Variants in MAP4 observed in about 807,000 individuals in gnomAD.
MAP4 encodes the protein microtubule-associated protein 4.
MAP4 carries 76 observed loss-of-function variants against 170.2 expected under a neutral mutation model. That is an observed-to-expected ratio of 0.45 (90% CI 0.37 to 0.54). The LOEUF (loss-of-function observed/expected upper bound fraction) is 0.54. MAP4 is among the 20% of genes least tolerant of loss of function. MAP4 has a pLI of 0.00. For missense variants in MAP4, 2,506 were observed against 2,748.0 expected (o/e 0.91, Z 1.97); for synonymous variants, 909 against 994.5 (o/e 0.91, Z 1.62).
intron 4 of MAP4, among the ~76,000 whole-genome samples, chr3:47,927,703 G>A (rs1424242774): frequency 6.6e-6 from 1 of 152,080 alleles, no homozygotes; most frequent in Non-Finnish European, 1.5e-5. Flanking sequence ...TCGAACTCTC[G>A]AACTCAGGTG....
intron 1 of MAP4, among the ~76,000 whole-genome samples, chr3:48,041,967 T>TC (rs2100121852): frequency 6.6e-6 from 1 of 152,206 alleles, no homozygotes; most frequent in South Asian, 2.1e-4. Context: ...ATGCTCCTGC[T>TC]CTCAGGACCT....
chr3:47,864,132 C>T (rs2075025698), intron 17 of MAP4, among the ~76,000 whole-genome samples: 1 of 152,136 alleles, frequency 6.6e-6, no homozygotes, highest in Admixed American at 6.5e-5. Flanking sequence ...CACATGCCAC[C>T]TAATGCTGCC....
chr3:48,013,110 C>A (rs919837988), intron 1 of MAP4, among the ~76,000 whole-genome samples: 1 of 151,986 alleles, frequency 6.6e-6, no homozygotes, highest in African/African-American at 2.4e-5. Flanking sequence ...TCAAGTATTC[C>A]AAAATTAATT....
chr3:48,030,692 G>A (rs1022418839), intron 1 of MAP4, among the ~76,000 whole-genome samples: 3 of 150,716 alleles, frequency 2.0e-5, no homozygotes, highest in East Asian at 1.9e-4. Context: ...CCAGCTACTC[G>A]GGAGGCTGAG....
chr3:48,068,092 C>G (rs1281069366), intron 1 of MAP4, among the ~76,000 whole-genome samples: 4 of 151,504 alleles, frequency 2.6e-5, no homozygotes, highest in African/African-American at 9.7e-5. Flanking sequence ...TGGTGAAACC[C>G]CATCTATACA....
In MAP4 at chr3:47,911,319, C is replaced by A. The variant is rs2100035854; in HGVS notation, c.3102G>T (p.Glu1034Asp). ...ERQEISIFTS[E>D]QLQGQVLVQV... ...GTACCAACACTTGGCCCTGCAGCTG[C>A]TCAGAAGTAAAGATGCTGATCTCTT... Residue 1034 changes from glutamate (E) to aspartate (D), a missense_variant, in exon 9 of 21, where the codon GAG becomes GAT. Physicochemically the swap from Glu to Asp is conservative, Grantham distance 45. Transcript: ENST00000683076. This position sits in a 1 kb window ranked among gnomAD's most constrained non-coding sequence, Gnocchi z 4.0. The A allele has an allele frequency of 6.5e-7, 1 of 1,536,116 alleles. No homozygotes were observed.
intron 10 of MAP4, chr3:47,891,895 C>A (rs1324785483): frequency 6.5e-7 from 1 of 1,536,102 alleles, no homozygotes; most frequent in East Asian, 2.4e-5. Flanking sequence ...GAGTTGCTTC[C>A]CTTGAGCCCA....
intron 1 of MAP4, among the ~76,000 whole-genome samples, chr3:48,084,386 TAAAA>T (rs548681084): frequency 2.9e-5 from 3 of 104,418 alleles, no homozygotes; most frequent in Non-Finnish European, 4.0e-5. Context: ...ATCTCATCTC[TAAAA>T]AAAAAAAAAA....
chr3:48,072,968 C>A (rs1053443479), intron 1 of MAP4, among the ~76,000 whole-genome samples: 1 of 150,880 alleles, frequency 6.6e-6, no homozygotes, highest in African/African-American at 2.4e-5. Context: ...CAGTGGCTCA[C>A]GCCTGTAATC....
Position 47,909,576 on chromosome 3 carries a change from T to G in MAP4, c.4845A>C (p.Glu1615Asp). ...CAGGAATCTGAACTGCAACAGACCC[T>G]TCTTTAGTCTCTTTCTCTTCATTCA... ...HPVNEEKETK[E>D]GSVAVQIPDL... Residue 1615 changes from glutamate (E) to aspartate (D), a missense_variant, in exon 9 of 21, where the codon GAA becomes GAC. Around this residue, in one of 3 missense-constraint regions of MAP4, gnomAD observed 2,008 missense variants for 2,206.0 expected, o/e 0.91. Coordinates refer to ENST00000683076, the MANE Select transcript of MAP4 (RefSeq NM_001385682.1). The G allele has an allele frequency of 1.2e-6, 2 of 1,612,820 alleles. No individual in the cohort carries two copies. The highest frequency in any genetic ancestry group is 2.2e-5 in the South Asian group (2 of 91,082).
intron 1 of MAP4, among the ~76,000 whole-genome samples, chr3:48,074,877 G>A (rs1270548112): frequency 2.6e-5 from 4 of 151,876 alleles, no homozygotes; most frequent in Non-Finnish European, 5.9e-5. Flanking sequence ...CAAATGGAAA[G>A]GCATCCCACG....
chr3:47,938,835 T>C (rs1257552935), intron 3 of MAP4, among the ~76,000 whole-genome samples: 1 of 152,226 alleles, frequency 6.6e-6, no homozygotes, highest in Non-Finnish European at 1.5e-5. Flanking sequence ...TCAAGTCACA[T>C]CCTATTTAGA....
At chr3:47,939,774 G>T (rs1346239196) in intron 3 of MAP4, among the ~76,000 whole-genome samples, 1 of 151,138 alleles carries the variant, frequency 6.6e-6, no homozygotes, top group Non-Finnish European at 1.5e-5. Context: ...AGAGAAATGG[G>T]TACATTTTCC....
intron 1 of MAP4, among the ~76,000 whole-genome samples, chr3:48,057,602 T>G (rs1245970015): frequency 1.6e-5 from 1 of 63,676 alleles, no homozygotes; most frequent in Non-Finnish European, 3.5e-5. Flanking sequence ...CCAAGAATTA[T>G]CAATAAAAAA....
chr3:48,047,846 G>A (rs1181676240), intron 1 of MAP4, among the ~76,000 whole-genome samples: 1 of 152,226 alleles, frequency 6.6e-6, no homozygotes, highest in East Asian at 1.9e-4. Flanking sequence ...AACTCCTAGT[G>A]ATGCCTCATC....
chr3:48,008,856 T>C (rs901477245), intron 1 of MAP4, among the ~76,000 whole-genome samples: 21 of 152,162 alleles, frequency 1.4e-4, no homozygotes, highest in African/African-American at 4.3e-4. Context: ...CTACGGCCAC[T>C]GCTGAGTGCC....
chr3:47,989,818 CACTG>C (rs1184146913), intron 2 of MAP4, among the ~76,000 whole-genome samples: 1 of 152,188 alleles, frequency 6.6e-6, no homozygotes, highest in Non-Finnish European at 1.5e-5. Context: ...TGTGTTTTCT[CACTG>C]ACTGACTTCC....
intron 2 of MAP4, among the ~76,000 whole-genome samples, chr3:47,979,140 A>C (rs1181658911): frequency 1.3e-5 from 2 of 151,752 alleles, no homozygotes; most frequent in Non-Finnish European, 2.9e-5. Flanking sequence ...CCTACGGTAC[A>C]TTTTGAGTTA....
chr3:48,074,843 C>A (rs928138210), intron 1 of MAP4, among the ~76,000 whole-genome samples: 4 of 143,942 alleles, frequency 2.8e-5, no homozygotes, highest in South Asian at 4.2e-4. Context: ...AAAAAATATT[C>A]TTGAAAGAAA....
Sources: allele counts gnomAD v4.1 joint callset (sites outside exome capture counted in the v4.1 genomes callset), GRCh38; gene constraint gnomAD v4.1.1; regional missense constraint gnomAD v4.1.1; non-coding constraint Gnocchi (gnomAD v3.1); transcripts MANE v1.5; gene names NCBI Gene and HGNC (gene_info 2026-07-23, HGNC 2026-07-21).